ZNF438: variants seen among roughly 807,000 people sequenced by gnomAD.
ZNF438 encodes zinc finger protein 438.
A neutral mutation model predicts 38.0 loss-of-function variants in ZNF438; 25 were observed. The ratio of observed to expected loss-of-function variants is 0.66; its 90% CI spans 0.48 to 0.92. The LOEUF is 0.92. Among genes scored for constraint, ZNF438 ranks in the 40% least tolerant of loss-of-function variants. The pLI, the probability that ZNF438 is intolerant of heterozygous loss-of-function variation, is 0.00. For missense variants in ZNF438, 1,007 were observed against 999.6 expected (o/e 1.01, Z -0.10); for synonymous variants, 372 against 364.1 (o/e 1.02, Z -0.25).
chr10:30,862,721 C>T (rs2035791880), intron 4 of ZNF438, among the ~76,000 whole-genome samples: 2 of 152,172 alleles, frequency 1.3e-5, no homozygotes, highest in South Asian at 4.1e-4. Flanking sequence ...AAGGTTTCAA[C>T]ATCAGAATGT....
chr10:30,915,781 T>G (rs1323021786), intron 2 of ZNF438, among the ~76,000 whole-genome samples: 2 of 152,020 alleles, frequency 1.3e-5, no homozygotes, highest in Non-Finnish European at 2.9e-5. Context: ...CATGACCTGG[T>G]TTTAAGGTAA....
intron 3 of ZNF438, among the ~76,000 whole-genome samples, chr10:30,883,330 T>C (rs887603767): frequency 6.6e-6 from 1 of 152,146 alleles, no homozygotes; most frequent in African/African-American, 2.4e-5. Context: ...GCATTCCTTT[T>C]GGCCCAGACC....
chr10:30,907,631 T>C (rs2134452635), intron 3 of ZNF438, among the ~76,000 whole-genome samples: 1 of 152,286 alleles, frequency 6.6e-6, no homozygotes, highest in East Asian at 1.9e-4. Flanking sequence ...TTCATCTAAG[T>C]CACCAAATAT....
At chr10:30,863,414 G>A (rs952853395) in intron 4 of ZNF438, among the ~76,000 whole-genome samples, 8 of 152,152 alleles carry the variant, frequency 5.3e-5, no homozygotes, top group African/African-American at 1.9e-4. Context: ...AGATCCTGTC[G>A]TGTGACTGAT....
At chr10:30,905,389 T>C (rs1229086500) in intron 3 of ZNF438, among the ~76,000 whole-genome samples, 1 of 152,238 alleles carries the variant, frequency 6.6e-6, no homozygotes, top group African/African-American at 2.4e-5. Context: ...CATGTGCTCA[T>C]TGGCAATTTG....
At chr10:30,872,948 GAC>G (rs113520828) in intron 4 of ZNF438, among the ~76,000 whole-genome samples, 28 of 152,236 alleles carry the variant, frequency 1.8e-4, no homozygotes, top group African/African-American at 6.3e-4. Flanking sequence ...TAGCACATAA[GAC>G]ACATACATTG....
rs777338363 is a variant in ZNF438 at position 30,859,195 on chromosome 10, C to T, written c.38-8828G>A. 3.3e-5 allele frequency among the ~76,000 whole-genome samples: 5 copies of T among 152,182 alleles called. No individual in the cohort carries two copies. In the East Asian group the frequency reaches 5.8e-4, roughly 18 times the overall value. The stretch of plus-strand genomic sequence containing the variant: ...TCCCCAGGCTCAGCTGATCCTCCCA[C>T]GTCAGCCTCCCAAGTAGCTGGGACT... On this transcript the variant is annotated intron_variant, in intron 4 of 5. Coordinates refer to ENST00000413025, the Ensembl canonical transcript of ZNF438.
chr10:30,983,350 G>A (rs1399009489), intron 1 of ZNF438, among the ~76,000 whole-genome samples: 2 of 152,172 alleles, frequency 1.3e-5, no homozygotes, highest in Non-Finnish European at 2.9e-5. Context: ...CATGGTTGGG[G>A]AGGCCTCAAG....
At chr10:30,895,208 G>C (rs894245488) in intron 3 of ZNF438, among the ~76,000 whole-genome samples, 2 of 152,072 alleles carry the variant, frequency 1.3e-5, no homozygotes, top group African/African-American at 4.8e-5. Context: ...ATTTGCCCAT[G>C]TCCCCACAAT....
chr10:30,889,660 C>T (rs2040429531), intron 3 of ZNF438, among the ~76,000 whole-genome samples: 1 of 152,224 alleles, frequency 6.6e-6, no homozygotes, highest in Non-Finnish European at 1.5e-5. Flanking sequence ...CCCACCTCGG[C>T]CTCCCGAAGT....
intron 3 of ZNF438, among the ~76,000 whole-genome samples, chr10:30,901,377 C>T (rs1172607887): frequency 6.6e-6 from 1 of 151,856 alleles, no homozygotes; most frequent in Non-Finnish European, 1.5e-5. Flanking sequence ...GCCGCGGACC[C>T]TCGCGCTGAG....
intron 3 of ZNF438, among the ~76,000 whole-genome samples, chr10:30,878,765 T>C (rs1301883751): frequency 6.6e-6 from 1 of 152,154 alleles, no homozygotes; most frequent in African/African-American, 2.4e-5. Context: ...CGCCACAGGG[T>C]GTGCATGGAG....
chr10:30,846,009 A>T (rs2031976137), intron 5 of ZNF438, among the ~76,000 whole-genome samples: 1 of 151,906 alleles, frequency 6.6e-6, no homozygotes, highest in Non-Finnish European at 1.5e-5. Context: ...ATTTTGGCTC[A>T]CTCTGTCATG....
chr10:30,956,403 A>T (rs2048868057), intron 1 of ZNF438, among the ~76,000 whole-genome samples: 1 of 152,114 alleles, frequency 6.6e-6, no homozygotes. Context: ...TGGTATTCTG[A>T]TACTTGTCAT....
chr10:30,938,106 C>T (rs1275159903), intron 2 of ZNF438, among the ~76,000 whole-genome samples: 1 of 152,068 alleles, frequency 6.6e-6, no homozygotes, highest in African/African-American at 2.4e-5. Flanking sequence ...CTATGGATGA[C>T]TCTTATCTAC....
chr10:30,969,435 G>C (rs1396449611), intron 1 of ZNF438, among the ~76,000 whole-genome samples: 5 of 152,124 alleles, frequency 3.3e-5, no homozygotes, highest in African/African-American at 1.2e-4. Context: ...CTTGAACACT[G>C]AATAACAAAT....
exon 5 of ZNF438, chr10:30,849,138 T>C (rs2033017619): frequency 6.2e-7 from 1 of 1,613,792 alleles, no homozygotes; most frequent in Non-Finnish European, 8.5e-7. Flanking sequence ...TTTTGGTCTC[T>C]GAATTCTTGG....
At chr10:30,875,342 C>G (rs897670943) in intron 4 of ZNF438, 1 of 985,262 alleles carries the variant, frequency 1.0e-6, no homozygotes, top group African/African-American at 1.7e-5. Flanking sequence ...TTTTTAGAGC[C>G]TGAAAGGAAC....
chr10:30,967,422 A>C (rs1302754816), intron 1 of ZNF438, among the ~76,000 whole-genome samples: 1 of 152,218 alleles, frequency 6.6e-6, no homozygotes, highest in Non-Finnish European at 1.5e-5. Flanking sequence ...ACTGATAAGT[A>C]GGCTAAAAGT....
Sources: allele counts gnomAD v4.1 joint callset (sites outside exome capture counted in the v4.1 genomes callset), GRCh38; gene constraint gnomAD v4.1.1; transcripts MANE v1.5; gene names NCBI Gene and HGNC (gene_info 2026-07-23, HGNC 2026-07-21).